SGCZ: variants seen among roughly 807,000 people sequenced by gnomAD.
SGCZ encodes the protein sarcoglycan zeta.
SGCZ carries 40 observed loss-of-function variants against 41.3 expected under a neutral mutation model. That is an observed-to-expected ratio of 0.97 (90% confidence interval 0.75 to 1.26). SGCZ has a LOEUF of 1.26. Ranked by LOEUF, SGCZ falls within the 50% of genes most tolerant of loss-of-function variation. SGCZ has a pLI of 0.00. For synonymous variants in SGCZ, 206 were observed against 137.5 expected (o/e 1.50, Z -3.49); for missense variants, 552 against 369.8 (o/e 1.49, Z -4.04).
intron 1 of SGCZ, among the ~76,000 whole-genome samples, chr8:14,784,365 G>GTA (rs1319460045): frequency 2.0e-5 from 3 of 150,952 alleles, no homozygotes; most frequent in Admixed American, 6.6e-5. Flanking sequence ...TTTCAATTAT[G>GTA]TATATATATG....
chr8:14,826,291 C>G (rs1054055553), intron 1 of SGCZ, among the ~76,000 whole-genome samples: 1 of 152,078 alleles, frequency 6.6e-6, no homozygotes, highest in Non-Finnish European at 1.5e-5. Context: ...ACATAGTATT[C>G]CATGGTGTAT....
At chr8:14,246,512 G>C (rs1799096365) in intron 3 of SGCZ, among the ~76,000 whole-genome samples, 1 of 151,548 alleles carries the variant, frequency 6.6e-6, no homozygotes, top group Admixed American at 6.6e-5. Context: ...CGAGTTAATG[G>C]GTGCAGCACA....
intron 1 of SGCZ, among the ~76,000 whole-genome samples, chr8:15,006,580 T>C (rs1008407246): frequency 6.6e-6 from 1 of 152,208 alleles, no homozygotes; most frequent in Non-Finnish European, 1.5e-5. Context: ...CAGTCTCTGC[T>C]GCTCAAAAGT....
At chr8:14,716,531 C>T (rs567935131) in intron 1 of SGCZ, among the ~76,000 whole-genome samples, 7 of 152,026 alleles carry the variant, frequency 4.6e-5, no homozygotes, top group East Asian at 1.9e-4. Flanking sequence ...TGAATAAAGT[C>T]GTATTATTTA....
intron 2 of SGCZ, among the ~76,000 whole-genome samples, chr8:14,409,388 T>C (rs1273450373): frequency 6.6e-6 from 1 of 152,140 alleles, no homozygotes; most frequent in African/African-American, 2.4e-5. Flanking sequence ...GAGGTAAATA[T>C]TGATCGTATC....
chr8:14,708,410 C>A (rs1359484747), intron 1 of SGCZ, among the ~76,000 whole-genome samples: 4 of 151,520 alleles, frequency 2.6e-5, no homozygotes, highest in Non-Finnish European at 5.9e-5. Flanking sequence ...ATTTTAAAAA[C>A]AGGCAGTCAC....
At chr8:14,527,069 T>C (rs1802972502) in intron 2 of SGCZ, among the ~76,000 whole-genome samples, 1 of 151,628 alleles carries the variant, frequency 6.6e-6, no homozygotes, top group Non-Finnish European at 1.5e-5. Flanking sequence ...ATCCCAGCCC[T>C]CACTAGCATG....
At chr8:14,347,406 T>C (rs1032311970) in intron 2 of SGCZ, among the ~76,000 whole-genome samples, 1 of 152,128 alleles carries the variant, frequency 6.6e-6, no homozygotes, top group Non-Finnish European at 1.5e-5. Flanking sequence ...TTGTTCTCCA[T>C]ATGTGATTAA....
intron 4 of SGCZ, among the ~76,000 whole-genome samples, chr8:14,184,745 C>G (rs946107880): frequency 6.6e-6 from 1 of 152,136 alleles, no homozygotes; most frequent in East Asian, 1.9e-4. Context: ...AGAGAAGTAC[C>G]TTAAACTATG....
chr8:15,089,780 A>G lies in SGCZ; in HGVS notation c.39+147805T>C, dbSNP rs1366287501. Among the ~76,000 whole-genome samples, 4 of 152,174 alleles carry G rather than the reference A, an allele frequency of 2.6e-5. No individual in the cohort carries two copies. The South Asian group carries it at 8.3e-4, about 31-fold the overall frequency. ...CATGTACACAGTAAGTACTCAATAC[A>G]GCTTAGCTACTGGTGTGGATCATAT... On this transcript the variant is annotated intron_variant, in intron 1 of 7. Coordinates refer to ENST00000382080, the MANE Select transcript of SGCZ (RefSeq NM_139167.4).
chr8:14,237,921 A>G (rs755814096), intron 3 of SGCZ, among the ~76,000 whole-genome samples: 1 of 152,136 alleles, frequency 6.6e-6, no homozygotes, highest in Non-Finnish European at 1.5e-5. Context: ...AGCATTTCCA[A>G]CCCTACTGAT....
At chr8:14,186,249 A>G (rs1032984795) in intron 4 of SGCZ, among the ~76,000 whole-genome samples, 2 of 152,256 alleles carry the variant, frequency 1.3e-5, no homozygotes, top group Non-Finnish European at 2.9e-5. Flanking sequence ...GGTCTAAAGG[A>G]CATGCAGCAA....
At chr8:14,241,438 T>C (rs925689080) in intron 3 of SGCZ, among the ~76,000 whole-genome samples, 7 of 148,450 alleles carry the variant, frequency 4.7e-5, no homozygotes, top group South Asian at 2.1e-4. Flanking sequence ...TAAGCTAGTA[T>C]AAATATATAA....
chr8:14,111,086 A>T (rs201507935), intron 5 of SGCZ, among the ~76,000 whole-genome samples: 5 of 49,350 alleles, frequency 1.0e-4, no homozygotes, highest in Non-Finnish European at 1.1e-4. Flanking sequence ...AACAAACTTT[A>T]AAAAAAAACT....
intron 1 of SGCZ, among the ~76,000 whole-genome samples, chr8:14,737,345 G>T (rs150647792): frequency 2.4e-3 from 359 of 152,054 alleles, no homozygotes; most frequent in African/African-American, 8.3e-3. Flanking sequence ...CAGAATCACA[G>T]ACGGTCAATT....
intron 4 of SGCZ, among the ~76,000 whole-genome samples, chr8:14,185,570 C>A (rs1190402941): frequency 6.6e-6 from 1 of 152,102 alleles, no homozygotes; most frequent in African/African-American, 2.4e-5. Context: ...CTGACTCATT[C>A]AAAAACTGTC....
chr8:14,347,647 G>A (rs1030758629), intron 2 of SGCZ, among the ~76,000 whole-genome samples: 2 of 150,080 alleles, frequency 1.3e-5, no homozygotes, highest in Non-Finnish European at 3.0e-5. Context: ...TATACACATA[G>A]GTAAATCTCA....
intron 1 of SGCZ, among the ~76,000 whole-genome samples, chr8:14,666,677 GAA>G (rs1807920997): frequency 2.1e-5 from 2 of 93,758 alleles, no homozygotes; most frequent in Admixed American, 1.3e-4. Flanking sequence ...CTTGTTGGTA[GAA>G]TTTGCAAAAA....
chr8:14,562,513 G>A (rs1804236954), intron 1 of SGCZ, among the ~76,000 whole-genome samples: 1 of 152,020 alleles, frequency 6.6e-6, no homozygotes, highest in Non-Finnish European at 1.5e-5. Context: ...TAATGGACAT[G>A]GTAATATAAT....
Sources: gnomAD v4.1 joint callset for allele counts (sites outside exome capture counted in the v4.1 genomes callset) on GRCh38, gnomAD v4.1.1 for gene constraint, MANE v1.5 for transcripts, NCBI Gene and HGNC (gene_info 2026-07-23, HGNC 2026-07-21) for gene names.